KDM6A: variants seen among roughly 807,000 people sequenced by gnomAD.
The protein encoded by KDM6A is lysine demethylase 6A, also known as lysine-specific demethylase 6A.
A neutral mutation model predicts 117.6 loss-of-function variants in KDM6A; 11 were observed. The observed-to-expected ratio is 0.09, with a 90% CI of 0.06 to 0.15. The LOEUF is 0.15. KDM6A is among the 10% of genes least tolerant of loss of function. The pLI is 1.00. For synonymous variants in KDM6A, 384 were observed against 396.1 expected (o/e 0.97, Z 0.36); for missense variants, 799 against 1,077.3 (o/e 0.74, Z 3.62).
intron 3 of KDM6A, among the ~76,000 whole-genome samples, chrX:44,967,693 C>T (rs1462055024): frequency 8.9e-6 from 1 of 111,917 alleles, no homozygotes; most frequent in African/African-American, 3.3e-5. Flanking sequence ...TTTTCTTACC[C>T]TTAATTGTCA....
intron 8 of KDM6A, among the ~76,000 whole-genome samples, chrX:45,047,051 A>G (rs1009697037): frequency 1.8e-5 from 2 of 110,549 alleles, no homozygotes; most frequent in Non-Finnish European, 3.8e-5. Flanking sequence ...GATTATTGAT[A>G]TGGTTGGATA....
rs1225443312 is a variant in KDM6A, at chrX:45,100,844, C to CT, written c.4035-6555dup. On this transcript the variant is annotated intron_variant, in intron 27 of 29. Coordinates refer to ENST00000611820, the MANE Select transcript of KDM6A (RefSeq NM_001291415.2). ...TTTATATTTTTTCTTTTTCTTTCTT[C>CT]TTTTTTTTTTTAATTAAAAAAATAA... 1.6e-3 allele frequency among the ~76,000 whole-genome samples: 164 copies of CT among 102,388 alleles called. 2 individuals are homozygous for CT. Among genetic ancestry groups the CT allele is most frequent in the Admixed American group, 4.3e-3 (41 of 9,541 alleles). The allele number at this position is 102,388 out of a possible 115,157, so 88.9% of individuals were successfully genotyped here.
At chrX:45,008,887 C>T (rs1052515317) in intron 4 of KDM6A, among the ~76,000 whole-genome samples, 5 of 111,670 alleles carry the variant, frequency 4.5e-5, no homozygotes, top group Admixed American at 9.5e-5. Flanking sequence ...TTTCCTCATT[C>T]GGAAAATTGG....
chrX:45,041,455 C>T (rs1279697988), intron 8 of KDM6A, among the ~76,000 whole-genome samples: 2 of 105,524 alleles, frequency 1.9e-5, no homozygotes, highest in South Asian at 4.3e-4. Context: ...CCCTCCCGGA[C>T]GGGGTGGCTG....
chrX:45,061,332 T>C lies in KDM6A; in HGVS notation c.1494T>C (p.Ser498=), dbSNP rs764454979. Residue 498 remains serine (S), a synonymous_variant, in exon 15 of 30, where the codon TCT becomes TCC. Coordinates refer to ENST00000611820, the MANE Select transcript of KDM6A (RefSeq NM_001291415.2). ...AAATCGATTTTCCTCAGAATACTTC[T>C]GACAATTGGAGTGGTGGACATGCTG... The part of the protein sequence containing the change: ...KRTSSPTKNT[S]DNWSGGHAVS... The C allele has an allele frequency of 1.7e-6, 2 of 1,160,414 alleles. No individual in the cohort carries two copies. The highest frequency in any genetic ancestry group is 3.6e-5 in the South Asian group (2 of 54,951).
At chrX:45,110,540 TTA>T (rs2046729800) in intron 29 of KDM6A, among the ~76,000 whole-genome samples, 1 of 111,687 alleles carries the variant, frequency 9.0e-6, no homozygotes, top group Non-Finnish European at 1.9e-5. Flanking sequence ...ATCATATCCT[TTA>T]TGTCATTTTA....
At chrX:44,958,095 A>G (rs1343237580) in intron 2 of KDM6A, among the ~76,000 whole-genome samples, 1 of 111,759 alleles carries the variant, frequency 8.9e-6, no homozygotes, top group East Asian at 2.8e-4. Context: ...TGCAACCACA[A>G]ATGATTTTCT....
At chrX:44,911,102 C>T (rs1401180023) in intron 2 of KDM6A, among the ~76,000 whole-genome samples, 23 of 106,051 alleles carry the variant, frequency 2.2e-4, no homozygotes, top group South Asian at 8.5e-4. Flanking sequence ...ACCTCCCGGA[C>T]GGGGCGGCTG....
In KDM6A at chrX:45,011,922, A is replaced by G. The variant is rs978467361; in HGVS notation, c.443+903A>G. The stretch of plus-strand genomic sequence containing the variant: ...CACCTTAGCCTCCCAAGTAGCTGGG[A>G]CCACAGGCACATGCCACCATGCCCA... On this transcript the variant is annotated intron_variant, in intron 5 of 29. Coordinates refer to ENST00000611820, the MANE Select transcript of KDM6A (RefSeq NM_001291415.2). Among the ~76,000 whole-genome samples, 3 of 110,483 alleles carry G rather than the reference A, an allele frequency of 2.7e-5. No homozygotes were observed. The Admixed American group carries it at 2.9e-4, about 11-fold the overall frequency.
chrX:44,962,605 A>G (rs1199650048), intron 3 of KDM6A, among the ~76,000 whole-genome samples: 1 of 112,319 alleles, frequency 8.9e-6, no homozygotes, highest in Non-Finnish European at 1.9e-5. Context: ...ATAGAGGCAT[A>G]CCTGGGAGAT....
At position 44,950,820 on chromosome X, in the gene KDM6A, C is replaced by A. The variant is rs548194911; in HGVS notation, c.226-10464C>A. 6.4e-5 allele frequency among the ~76,000 whole-genome samples: 7 copies of A among 109,620 alleles called. No homozygotes were observed. The South Asian group carries it at 2.7e-3, about 43-fold the overall frequency. On this transcript the variant is annotated intron_variant, in intron 2 of 29. Transcript: ENST00000611820. ...CTTTTATTCTTTAATTCATAGTACCCTCCCTTCCCCCTTTTTCCTTTTTCT... is the reference window on the plus strand; with the variant it reads ...CTTTTATTCTTTAATTCATAGTACCATCCCTTCCCCCTTTTTCCTTTTTCT...
At chrX:45,090,885 C>T (rs2045865668) in intron 27 of KDM6A, 21 bp downstream of exon 27, 3 of 1,202,537 alleles carry the variant, frequency 2.5e-6, no homozygotes, top group African/African-American at 1.7e-5. Flanking sequence ...TCTAAAACTG[C>T]TGTAGTCCCT....
At chrX:45,053,749 TTTG>T in intron 9 of KDM6A, 77 bp from the exon 10 acceptor site, 1 of 840,264 alleles carries the variant, frequency 1.2e-6, no homozygotes, top group Non-Finnish European at 1.7e-6. Flanking sequence ...ACTTTTTTGG[TTTG>T]TTTTCTGCTT....
At chrX:45,087,771 G>C (rs1169331395) in intron 25 of KDM6A, among the ~76,000 whole-genome samples, 3 of 111,507 alleles carry the variant, frequency 2.7e-5, no homozygotes, top group Non-Finnish European at 5.6e-5. Context: ...AAGATAATTA[G>C]AATAAGCAGA....
intron 2 of KDM6A, among the ~76,000 whole-genome samples, chrX:44,892,493 C>G (rs1325654111): frequency 9.3e-6 from 1 of 107,701 alleles, no homozygotes; most frequent in Non-Finnish European, 1.9e-5. Flanking sequence ...TCGAGACCAT[C>G]CTGGCAAAAC....
intron 4 of KDM6A, among the ~76,000 whole-genome samples, chrX:44,990,032 C>G (rs1462260160): frequency 1.8e-5 from 2 of 111,615 alleles, no homozygotes; most frequent in Non-Finnish European, 1.9e-5. Flanking sequence ...GTCTTAGAGC[C>G]TGTCATGATT....
intron 28 of KDM6A, among the ~76,000 whole-genome samples, chrX:45,108,326 G>A (rs916735951): frequency 7.2e-5 from 8 of 111,595 alleles, no homozygotes; most frequent in African/African-American, 2.3e-4. Context: ...TGCAAATTCC[G>A]CTCATAAGTC....
intron 2 of KDM6A, among the ~76,000 whole-genome samples, chrX:44,876,916 C>T (rs12392012): frequency 1.1e-3 from 120 of 110,966 alleles, no homozygotes; most frequent in African/African-American, 3.6e-3. Flanking sequence ...TATACGTATA[C>T]ACACATATAC....
At chrX:45,040,522 C>A (rs1445626582) in intron 8 of KDM6A, among the ~76,000 whole-genome samples, 9 of 56,284 alleles carry the variant, frequency 1.6e-4, no homozygotes, top group African/African-American at 2.0e-4. Flanking sequence ...CCCTCCCGGA[C>A]GGGGCGGCTG....
Sources: gnomAD v4.1 joint callset for allele counts (sites outside exome capture counted in the v4.1 genomes callset) on GRCh38, gnomAD v4.1.1 for gene constraint, MANE v1.5 for transcripts, NCBI Gene and HGNC (gene_info 2026-07-23, HGNC 2026-07-21) for gene names.